INPP1: variants seen among roughly 807,000 people sequenced by gnomAD.
INPP1 encodes the protein inositol polyphosphate-1-phosphatase.
A neutral mutation model predicts 23.0 loss-of-function variants in INPP1; 18 were observed. That is an observed-to-expected ratio of 0.78 (90% CI 0.54 to 1.16). The LOEUF is 1.16. Ranked by LOEUF, INPP1 falls within the 50% of genes most tolerant of loss-of-function variation. The probability of loss-of-function intolerance (pLI) is 0.00; values close to 1 mark genes in which losing one functional copy is unlikely to be tolerated. For synonymous variants in INPP1, 164 were observed against 176.3 expected, an observed-to-expected ratio of 0.93 and a Z score of 0.55; for missense variants, 448 against 482.1, an observed-to-expected ratio of 0.93 and a Z score of 0.66.
In INPP1 at chr2:190,345,999, A is replaced by T. The variant is rs900432341; in HGVS notation, c.-209+2038A>T. Among the ~76,000 whole-genome samples the T allele has an allele frequency of 1.3e-5, 2 of 152,232 alleles. No homozygotes were observed. Among genetic ancestry groups the T allele is most frequent in the Non-Finnish European group, 1.5e-5 (1 of 68,040 alleles). ...ACAAAGCAAGACTTCATCTCAAAAAATAAAAATTAAGTTAAAATTAAAAAA... is the reference window on the plus strand; with the variant it reads ...ACAAAGCAAGACTTCATCTCAAAAATTAAAAATTAAGTTAAAATTAAAAAA... On this transcript the variant is annotated intron_variant, in intron 1 of 6. Transcript: ENST00000392329. The surrounding 1 kb of genome is among the most constrained non-coding windows in gnomAD (Gnocchi z 4.9).
At chr2:190,360,396 C>T (rs774327244) in intron 3 of INPP1, 90 bp downstream of exon 3, 314 of 1,052,382 alleles carry the variant, frequency 3.0e-4, no homozygotes, top group Non-Finnish European at 3.3e-4. Flanking sequence ...CTCCTCACCC[C>T]TATCAGTATA....
intron 1 of INPP1, among the ~76,000 whole-genome samples, chr2:190,348,239 G>A (rs772220869): frequency 2.6e-5 from 4 of 151,986 alleles, no homozygotes; most frequent in South Asian, 2.1e-4. Context: ...TTTTCCTATC[G>A]CTACCCCCAC....
At chr2:190,370,697 C>T (rs1399645512) in intron 6 of INPP1, 147 bp from the exon 7 acceptor site, 5 of 665,072 alleles carry the variant, frequency 7.5e-6, no homozygotes, top group African/African-American at 1.8e-5. Flanking sequence ...AACTAGCTAC[C>T]TGATATCTAT....
chr2:190,357,143 C>T lies in INPP1; in HGVS notation c.-64-2896C>T, dbSNP rs1276089443. 2.6e-5 allele frequency among the ~76,000 whole-genome samples: 4 copies of T among 152,104 alleles called. No individual in the cohort carries two copies. The South Asian group carries it at 6.2e-4, about 24-fold the overall frequency. Reference sequence around the variant, plus strand: ...TAAAAGGCATTTAAGTAGGCAGGTGCTTTTGTTTGAGTTTTCACTAGATCT... The same window carrying T: ...TAAAAGGCATTTAAGTAGGCAGGTGTTTTTGTTTGAGTTTTCACTAGATCT... On this transcript the variant is annotated intron_variant, in intron 2 of 6. Coordinates refer to ENST00000392329, the MANE Select transcript of INPP1 (RefSeq NM_001128928.2).
rs1559087571 is a variant in INPP1 at position 190,371,296 on chromosome 2, GGT to G, written c.1096_1097del (p.Trp366GlyfsTer38). The G allele has an allele frequency of 6.2e-7, 1 of 1,608,772 alleles. No homozygotes were observed. The highest frequency in any genetic ancestry group is 1.1e-5 in the South Asian group (1 of 90,308). On this transcript the variant is annotated frameshift_variant, in exon 7 of 7. Transcript: ENST00000392329. LOFTEE classifies it low-confidence loss of function (END_TRUNC). The surrounding 1 kb of genome is among the most constrained non-coding windows in gnomAD (Gnocchi z 5.3). ...AATGAGGGTGCTGCTGGGGTGGATC[GGT>G]GGGCCAACAAGGGAGGACTCATTGC...
intron 3 of INPP1, 125 bp downstream of exon 3, chr2:190,360,431 A>G: frequency 2.8e-6 from 2 of 713,916 alleles, no homozygotes; most frequent in Non-Finnish European, 4.5e-6. Context: ...TCAAGTAAAC[A>G]TCTTGGATTT....
intron 6 of INPP1, 84 bp from the exon 7 acceptor site, chr2:190,370,760 C>T (rs1689784091): frequency 4.4e-6 from 4 of 900,026 alleles, no homozygotes; most frequent in Admixed American, 2.3e-5. Context: ...TTGTGTATTT[C>T]TTCGTATCAT....
At chr2:190,370,811 TA>T in intron 6 of INPP1, 32 bp from the exon 7 acceptor site, 1 of 1,486,656 alleles carries the variant, frequency 6.7e-7, no homozygotes, top group Non-Finnish European at 9.1e-7. Context: ...ACAAATGTGA[TA>T]ATCATCACCA....
intron 3 of INPP1, 120 bp downstream of exon 3, chr2:190,360,426 T>A: frequency 1.4e-6 from 1 of 737,526 alleles, no homozygotes; most frequent in African/African-American, 1.8e-5. Flanking sequence ...TGATTTCAAG[T>A]AAACATCTTG....
rs1399503221 is a variant in INPP1 at position 190,354,339 on chromosome 2, G to A, written c.-65+5308G>A. ...TAGATTGGGTCGCTAAGGTAACCAC[G>A]GCCTGTCTTTCAGGAGAGGTTTTAG... On this transcript the variant is annotated intron_variant, in intron 2 of 6. Coordinates refer to ENST00000392329, the MANE Select transcript of INPP1 (RefSeq NM_001128928.2). The surrounding 1 kb of genome is among the most constrained non-coding windows in gnomAD (Gnocchi z 4.8). Among the ~76,000 whole-genome samples, 1 of 152,102 alleles carries A rather than the reference G, an allele frequency of 6.6e-6. No homozygotes were observed. Among genetic ancestry groups the A allele is most frequent in the Non-Finnish European group, 1.5e-5 (1 of 68,024 alleles).
At position 190,345,619 on chromosome 2, in the gene INPP1, T is replaced by C. The variant is rs922736659; in HGVS notation, c.-209+1658T>C. 6.6e-6 allele frequency: 1 copy of C among 152,234 alleles called. No homozygotes were observed. The highest frequency in any genetic ancestry group is 2.4e-5 in the African/African-American group (1 of 41,462). 9.4% of individuals were successfully genotyped at this position (152,234 alleles called of 1,614,324 possible). On this transcript the variant is annotated intron_variant, in intron 1 of 6. Transcript: ENST00000392329. This position sits in a 1 kb window ranked among gnomAD's most constrained non-coding sequence, Gnocchi z 4.9. ...AGCACTTTTTCCCGATGTGAGTCCT[T>C]ATGAATGTTCTTGTTAAAATACTTT...
Sources: gnomAD v4.1 joint callset for allele counts (sites outside exome capture counted in the v4.1 genomes callset) on GRCh38, gnomAD v4.1.1 for gene constraint, Gnocchi (gnomAD v3.1) non-coding constraint, MANE v1.5 for transcripts, NCBI Gene and HGNC (gene_info 2026-07-23, HGNC 2026-07-21) for gene names.